The following ITGA2 variants were observed in gnomAD, a reference collection of about 807,000 sequenced individuals.
ITGA2 encodes the protein integrin alpha-2.
Under a neutral mutation model 146.3 loss-of-function variants are expected in ITGA2, and 101 were observed. That is an observed-to-expected ratio of 0.69 (90% CI 0.59 to 0.81). The LOEUF (loss-of-function observed/expected upper bound fraction) is 0.81. Ranked by LOEUF, ITGA2 falls within the 40% of genes least tolerant of loss-of-function variation. The pLI, the probability that ITGA2 is intolerant of heterozygous loss-of-function variation, is 0.00. For missense variants in ITGA2, 1,281 were observed against 1,402.7 expected, an observed-to-expected ratio of 0.91 and a Z score of 1.39; for synonymous variants, 477 against 487.1, an observed-to-expected ratio of 0.98 and a Z score of 0.27.
At chr5:53,004,408 A>G (rs1157433091) in intron 1 of ITGA2, among the ~76,000 whole-genome samples, 1 of 152,164 alleles carries the variant, frequency 6.6e-6, no homozygotes, top group African/African-American at 2.4e-5. Flanking sequence ...TTGTAAAAGC[A>G]TATGGAATAT....
At chr5:53,087,244 A>G (rs1746202431) in intron 28 of ITGA2, among the ~76,000 whole-genome samples, 2 of 152,156 alleles carry the variant, frequency 1.3e-5, no homozygotes, top group South Asian at 4.1e-4. Flanking sequence ...GCCTTCCTCC[A>G]TGCCCCCCAC....
At chr5:53,066,100 T>C in intron 15 of ITGA2, 123 bp downstream of exon 15, 1 of 932,526 alleles carries the variant, frequency 1.1e-6, no homozygotes, top group South Asian at 1.3e-5. Flanking sequence ...GGAATCGATG[T>C]ATCATAGTTT....
At chr5:53,074,295 A>G in intron 20 of ITGA2, 90 bp from the exon 21 acceptor site, 2 of 976,948 alleles carry the variant, frequency 2.0e-6, no homozygotes, top group Admixed American at 1.8e-5. Context: ...TACTGCTAAA[A>G]TGCCACTGTA....
At chr5:53,008,849 TCAATACATTAGC>T (rs1258809167) in intron 1 of ITGA2, among the ~76,000 whole-genome samples, 1 of 152,076 alleles carries the variant, frequency 6.6e-6, no homozygotes, top group Non-Finnish European at 1.5e-5. Flanking sequence ...CTAGGTACAG[TCAATACATTAGC>T]CTGATACTGT....
chr5:52,989,572 C>G, intron 1 of ITGA2, 40 bp downstream of exon 1: 3 of 1,609,002 alleles, frequency 1.9e-6, no homozygotes, highest in Non-Finnish European at 2.6e-6. Flanking sequence ...GCAGGAGGGA[C>G]CCGCGCGGCT....
At position 53,042,224 on chromosome 5, in the gene ITGA2, A is replaced by T; in HGVS notation, c.295+3A>T. The T allele has an allele frequency of 6.4e-7, 1 of 1,562,064 alleles. No homozygotes were observed. Among genetic ancestry groups the T allele is most frequent in the Non-Finnish European group, 8.8e-7 (1 of 1,132,576 alleles). ...ATGTGAAAAACTAAATTTGCAAAGT[A>T]AGTTTAAATTTACTTGCAAGGCATG... On this transcript the variant is annotated splice_donor_region_variant and intron_variant, in intron 3 of 29. Transcript: ENST00000296585.
chr5:53,026,792 G>A lies in ITGA2; in HGVS notation c.109G>A (p.Ala37Thr). The stretch of plus-strand genomic sequence containing the variant: ...GGCCTACAATGTTGGTCTCCCAGAA[G>A]CAAAAATATTTTCCGGTCCTTCAAG... Reference protein sequence around the residue: ...CLAYNVGLPEAKIFSGPSSEQ... With the variant: ...CLAYNVGLPETKIFSGPSSEQ... The change falls in exon 2 of 30, where the codon GCA becomes ACA. Residue 37 changes from alanine (A) to threonine (T), a missense_variant. By Grantham distance (58) the Ala-to-Thr change is moderately conservative (BLOSUM62 0). Transcript: ENST00000296585. The A allele has an allele frequency of 6.2e-7, 1 of 1,613,380 alleles. No homozygotes were observed. Among genetic ancestry groups the A allele is most frequent in the South Asian group, 1.1e-5 (1 of 91,058 alleles).
intron 14 of ITGA2, 26 bp from the exon 15 acceptor site, chr5:53,065,815 A>G (rs780673866): frequency 1.9e-6 from 3 of 1,611,510 alleles, no homozygotes; most frequent in Non-Finnish European, 1.7e-6. Context: ...GTGTACTATA[A>G]TTTCGTGTCA....
intron 26 of ITGA2, 127 bp from the exon 27 acceptor site, chr5:53,083,213 T>A: frequency 1.4e-6 from 1 of 689,738 alleles, no homozygotes; most frequent in Non-Finnish European, 2.6e-6. Context: ...TACTAATAGC[T>A]CATGAGATTG....
chr5:53,014,149 G>A (rs974979853), intron 1 of ITGA2, among the ~76,000 whole-genome samples: 5 of 152,068 alleles, frequency 3.3e-5, no homozygotes, highest in African/African-American at 9.7e-5. Context: ...AAATAGGACT[G>A]GTGAGGGTCA....
intron 2 of ITGA2, among the ~76,000 whole-genome samples, chr5:53,038,113 T>G (rs1041612483): frequency 6.6e-6 from 1 of 151,080 alleles, no homozygotes; most frequent in Admixed American, 6.6e-5. Context: ...ACAGGGAGAG[T>G]GTCCAGGGAG....
intron 2 of ITGA2, among the ~76,000 whole-genome samples, chr5:53,035,165 G>A (rs1204400362): frequency 6.6e-6 from 1 of 152,178 alleles, no homozygotes; most frequent in East Asian, 1.9e-4. Flanking sequence ...TAGCTCATGA[G>A]CTTTGATTTG....
At chr5:53,084,530 C>T (rs1746068423) in intron 27 of ITGA2, among the ~76,000 whole-genome samples, 1 of 152,108 alleles carries the variant, frequency 6.6e-6, no homozygotes, top group East Asian at 1.9e-4. Flanking sequence ...GAACAAAATG[C>T]AGAATTGGGG....
intron 7 of ITGA2, among the ~76,000 whole-genome samples, chr5:53,053,488 C>T (rs759581126): frequency 5.3e-5 from 8 of 152,096 alleles, no homozygotes; most frequent in Non-Finnish European, 1.0e-4. Flanking sequence ...GAAACTGCAA[C>T]GGCCCGGTTT....
At chr5:53,074,328 T>C (rs1745549474) in intron 20 of ITGA2, 57 bp from the exon 21 acceptor site, 2 of 1,398,248 alleles carry the variant, frequency 1.4e-6, no homozygotes, top group Non-Finnish European at 2.0e-6. Context: ...GGTGCGTGCA[T>C]ACACACACAA....
At chr5:53,040,347 A>C (rs1743725782) in intron 2 of ITGA2, among the ~76,000 whole-genome samples, 1 of 152,216 alleles carries the variant, frequency 6.6e-6, no homozygotes, top group Non-Finnish European at 1.5e-5. Flanking sequence ...AGACCTGTAC[A>C]GATGGAGAAA....
At chr5:53,067,068 G>C in intron 15 of ITGA2, 50 bp from the exon 16 acceptor site, 1 of 1,578,252 alleles carries the variant, frequency 6.3e-7, no homozygotes, top group African/African-American at 1.3e-5. Flanking sequence ...GATATAATAC[G>C]TGTGCTCAGT....
Position 52,993,636 on chromosome 5 carries a change from A to C in ITGA2, c.64+4104A>C, listed in dbSNP as rs549310789. Among the ~76,000 whole-genome samples, 134 of 152,294 alleles carry C rather than the reference A, an allele frequency of 8.8e-4. 1 individual carries two copies. Among genetic ancestry groups the C allele is most frequent in the African/African-American group, 3.2e-3 (131 of 41,566 alleles). ...ATGTGCTGACAGCCCTGGAGATATT[A>C]AAAGGTAGAAGCTTGTTAATGTAAA... On this transcript the variant is annotated intron_variant, in intron 1 of 29. Coordinates refer to ENST00000296585, the MANE Select transcript of ITGA2 (RefSeq NM_002203.4).
At chr5:52,997,538 G>A (rs1000702462) in intron 1 of ITGA2, among the ~76,000 whole-genome samples, 3 of 152,186 alleles carry the variant, frequency 2.0e-5, no homozygotes, top group Non-Finnish European at 4.4e-5. Context: ...TTTGAAAGGC[G>A]AGCAAAGCTA....
Sources: allele counts gnomAD v4.1 joint callset (sites outside exome capture counted in the v4.1 genomes callset), GRCh38; gene constraint gnomAD v4.1.1; transcripts MANE v1.5; gene names NCBI Gene and HGNC (gene_info 2026-07-23, HGNC 2026-07-21).